ITGA4: variants seen among roughly 807,000 people sequenced by gnomAD.
ITGA4 encodes integrin subunit alpha 4, also known as integrin alpha-4.
ITGA4 carries 63 observed loss-of-function variants against 133.6 expected under a neutral mutation model. The observed-to-expected ratio is 0.47, with a 90% CI of 0.38 to 0.58. The LOEUF (loss-of-function observed/expected upper bound fraction) is 0.58. Among genes scored for constraint, ITGA4 ranks in the 20% least tolerant of loss-of-function variants. ITGA4 has a pLI of 0.00. For synonymous variants in ITGA4, 483 were observed against 438.0 expected, an observed-to-expected ratio of 1.10 and a Z score of -1.28; for missense variants, 1,076 against 1,252.7, an observed-to-expected ratio of 0.86 and a Z score of 2.13.
intron 22 of ITGA4, 24 bp downstream of exon 22, chr2:181,527,411 T>A: frequency 6.8e-7 from 1 of 1,479,846 alleles, no homozygotes; most frequent in Non-Finnish European, 9.4e-7. Flanking sequence ...ATTGTGTTAA[T>A]ATTTGTAACA....
chr2:181,526,845 T>TTTTTTTTTTTTTG, intron 21 of ITGA4, among the ~76,000 whole-genome samples: 1 of 107,694 alleles, frequency 9.3e-6, no homozygotes, highest in Non-Finnish European at 1.9e-5. Flanking sequence ...TTTTTTTTTT[T>TTTTTTTTTTTTTG]TTTTTTTTAA....
intron 10 of ITGA4, among the ~76,000 whole-genome samples, chr2:181,491,197 TA>T (rs1686044533): frequency 2.6e-5 from 4 of 152,242 alleles, no homozygotes; most frequent in Non-Finnish European, 1.5e-5. Context: ...GTATTTTTCC[TA>T]AATATTTGCC....
intron 4 of ITGA4, among the ~76,000 whole-genome samples, chr2:181,476,558 TAGAA>T (rs1475295106): frequency 6.6e-6 from 1 of 152,206 alleles, no homozygotes; most frequent in Non-Finnish European, 1.5e-5. Flanking sequence ...TTTGCCCCCT[TAGAA>T]AGTTCCAAAA....
At position 181,523,191 on chromosome 2, in the gene ITGA4, CATAT is replaced by C. The variant is rs770966025; in HGVS notation, c.2074-240_2074-237del. On this transcript the variant is annotated intron_variant, in intron 18 of 27. Coordinates refer to ENST00000397033, the MANE Select transcript of ITGA4 (RefSeq NM_000885.6). The surrounding 1 kb of genome is among the most constrained non-coding windows in gnomAD (Gnocchi z 4.2). ...ATATACACACACACATACACATACA[CATAT>C]ATATACACACACATATATACACACA... 115 of 297,114 alleles carry C rather than the reference CATAT, an allele frequency of 3.9e-4. No homozygotes were observed. Among genetic ancestry groups the C allele is most frequent in the Non-Finnish European group, 5.4e-4 (83 of 153,164 alleles). The allele number at this position is 297,114 out of a possible 1,614,324, so 18.4% of individuals were successfully genotyped here.
Position 181,523,767 on chromosome 2 carries a change from A to T in ITGA4, c.2169+235A>T, listed in dbSNP as rs1325870235. Among the ~76,000 whole-genome samples, 2 of 152,108 alleles carry T rather than the reference A, an allele frequency of 1.3e-5. No homozygotes were observed. Among genetic ancestry groups the T allele is most frequent in the African/African-American group, 4.8e-5 (2 of 41,424 alleles). Reference sequence around the variant, plus strand: ...ATCGAAATGGGCATGTGCATGTGTCAATCAGAATTCTGCTCCCCCTACACA... The same window carrying T: ...ATCGAAATGGGCATGTGCATGTGTCTATCAGAATTCTGCTCCCCCTACACA... On this transcript the variant is annotated intron_variant, in intron 19 of 27. Transcript: ENST00000397033. The surrounding 1 kb of genome is among the most constrained non-coding windows in gnomAD (Gnocchi z 4.2).
intron 15 of ITGA4, among the ~76,000 whole-genome samples, chr2:181,505,808 G>T (rs1456541644): frequency 1.3e-5 from 2 of 152,126 alleles, no homozygotes; most frequent in African/African-American, 4.8e-5. Context: ...TAGATAGCAT[G>T]TGATTTGGTC....
chr2:181,524,310 A>G (rs1686789339), intron 20 of ITGA4, 60 bp downstream of exon 20: 8 of 921,176 alleles, frequency 8.7e-6, no homozygotes, highest in African/African-American at 1.8e-5. Context: ...GAGGGGGGGG[A>G]ATTAGGAGAA....
At chr2:181,522,133 AAG>A in intron 17 of ITGA4, 56 bp from the exon 18 acceptor site, 25 of 1,079,358 alleles carry the variant, frequency 2.3e-5, no homozygotes, top group Non-Finnish European at 3.3e-5. Context: ...GTATGCATAT[AAG>A]AGAGAGGGAT....
At position 181,523,080 on chromosome 2, in the gene ITGA4, A is replaced by C. The variant is rs1216191793; in HGVS notation, c.2074-357A>C. The stretch of plus-strand genomic sequence containing the variant: ...ATTCAGACCCTGGATTAAATAGGGA[A>C]TATATCAAGATAAATGAAAGCTACA... On this transcript the variant is annotated intron_variant, in intron 18 of 27. Coordinates refer to ENST00000397033, the MANE Select transcript of ITGA4 (RefSeq NM_000885.6). This position sits in a 1 kb window ranked among gnomAD's most constrained non-coding sequence, Gnocchi z 4.2. 6.6e-6 allele frequency among the ~76,000 whole-genome samples: 1 copy of C among 152,136 alleles called. No individual in the cohort carries two copies. Among genetic ancestry groups the C allele is most frequent in the African/African-American group, 2.4e-5 (1 of 41,434 alleles).
chr2:181,511,870 C>T (rs956995967), intron 17 of ITGA4, 95 bp downstream of exon 17: 1 of 647,214 alleles, frequency 1.5e-6, no homozygotes, highest in Non-Finnish European at 2.8e-6. Context: ...CAAGAGCTAA[C>T]CCTTGAAAAT....
chr2:181,521,194 T>A (rs1221102335), intron 17 of ITGA4, among the ~76,000 whole-genome samples: 3 of 152,154 alleles, frequency 2.0e-5, no homozygotes, highest in Non-Finnish European at 2.9e-5. Context: ...ACTAGATATC[T>A]AAGAACTTCT....
In ITGA4 at chr2:181,464,773, G is replaced by C. The variant is rs115966084; in HGVS notation, c.319+6456G>C. 2.8e-3 allele frequency among the ~76,000 whole-genome samples: 426 copies of C among 152,134 alleles called. 2 individuals are homozygous for C. The highest frequency in any genetic ancestry group is 9.8e-3 in the African/African-American group (408 of 41,516). On this transcript the variant is annotated intron_variant, in intron 2 of 27. Transcript: ENST00000397033. ...AGACTCATATCAGGTAGTTCAGACAGTAACACCTGCTCCTGAAATAGGGAG... is the reference window on the plus strand; with the variant it reads ...AGACTCATATCAGGTAGTTCAGACACTAACACCTGCTCCTGAAATAGGGAG...
intron 26 of ITGA4, among the ~76,000 whole-genome samples, chr2:181,534,584 T>C (rs1460107283): frequency 1.3e-5 from 2 of 150,550 alleles, no homozygotes; most frequent in Admixed American, 6.7e-5. Flanking sequence ...TGGGCAGCAG[T>C]GAGAATTGAA....
chr2:181,525,221 G>A lies in ITGA4; in HGVS notation c.2269G>A (p.Asp757Asn), dbSNP rs757974595. 2 of 1,603,918 alleles carry A rather than the reference G, an allele frequency of 1.2e-6. No homozygotes were observed. The highest frequency in any genetic ancestry group is 1.1e-5 in the South Asian group (1 of 90,828). The change falls in exon 21 of 28, where the codon GAC becomes AAC. Residue 757 changes from aspartate (D) to asparagine (N), a missense_variant. Physicochemically the swap from Asp to Asn is conservative, Grantham distance 23. This residue lies in a region of ITGA4 where 365 missense variants were observed against 421.4 expected (regional missense o/e 0.87). Transcript: ENST00000397033. ...GTATAGTGAAAATGAAGAGGAAATG[G>A]ACAATCTAAAGCACAGCAGAGTGAC... The part of the protein sequence containing the change: ...HATCENEEEM[D>N]NLKHSRVTVA...
chr2:181,473,541 TC>T (rs1423010213), intron 2 of ITGA4, among the ~76,000 whole-genome samples: 1 of 152,208 alleles, frequency 6.6e-6, no homozygotes, highest in Non-Finnish European at 1.5e-5. Flanking sequence ...TTTCTTCACT[TC>T]AGTTGTGATT....
intron 25 of ITGA4, among the ~76,000 whole-genome samples, chr2:181,533,876 T>C (rs1468295842): frequency 6.6e-6 from 1 of 152,202 alleles, no homozygotes; most frequent in Non-Finnish European, 1.5e-5. Context: ...CTTTAGATAG[T>C]AAAGTTCTGA....
rs184143257 is a variant in ITGA4 at position 181,537,516 on chromosome 2, A to G, written c.*1989A>G. ...TTTTTGGCAGGTAGGCTATATAACTATGTGATTTTGAAATTTAACTGCTCT... is the reference window on the plus strand; with the variant it reads ...TTTTTGGCAGGTAGGCTATATAACTGTGTGATTTTGAAATTTAACTGCTCT... On this transcript the variant is annotated 3_prime_UTR_variant, in exon 28 of 28. Transcript: ENST00000397033. The G allele has an allele frequency of 3.1e-5, 14 of 449,618 alleles. No individual in the cohort carries two copies. Among genetic ancestry groups the G allele is most frequent in the Admixed American group, 2.8e-4 (12 of 42,146 alleles). 27.9% of individuals were successfully genotyped at this position (449,618 alleles called of 1,614,324 possible).
rs1249296541 is a variant in ITGA4, at chr2:181,535,911, C to T, written c.*384C>T. 6.5e-6 allele frequency: 1 copy of T among 153,652 alleles called. No individual in the cohort carries two copies. Among genetic ancestry groups the T allele is most frequent in the African/African-American group, 2.4e-5 (1 of 41,470 alleles). 9.5% of individuals were successfully genotyped at this position (153,652 alleles called of 1,614,324 possible). A position where few individuals can be genotyped will look rare whatever the true frequency, so the allele number is the denominator to read the frequency against. ...GTGCTTGCCTCAGTAAAATGAACCC[C>T]ACTGGGTGGGCAGAGGTTCATTTCA... On this transcript the variant is annotated 3_prime_UTR_variant, in exon 28 of 28. Coordinates refer to ENST00000397033, the MANE Select transcript of ITGA4 (RefSeq NM_000885.6).
Position 181,523,069 on chromosome 2 carries a change from T to A in ITGA4, c.2074-368T>A, listed in dbSNP as rs1437231155. Among the ~76,000 whole-genome samples the A allele has an allele frequency of 6.6e-6, 1 of 152,050 alleles. No individual in the cohort carries two copies. The highest frequency in any genetic ancestry group is 6.6e-5 in the Admixed American group (1 of 15,246). Reference sequence around the variant, plus strand: ...TTTTTCAAGGAATTCAGACCCTGGATTAAATAGGGAATATATCAAGATAAA... The same window carrying A: ...TTTTTCAAGGAATTCAGACCCTGGAATAAATAGGGAATATATCAAGATAAA... On this transcript the variant is annotated intron_variant, in intron 18 of 27. Coordinates refer to ENST00000397033, the MANE Select transcript of ITGA4 (RefSeq NM_000885.6). The surrounding 1 kb of genome is among the most constrained non-coding windows in gnomAD (Gnocchi z 4.2).
Sources: allele counts gnomAD v4.1 joint callset (sites outside exome capture counted in the v4.1 genomes callset), GRCh38; gene constraint gnomAD v4.1.1; regional missense constraint gnomAD v4.1.1; non-coding constraint Gnocchi (gnomAD v3.1); transcripts MANE v1.5; gene names NCBI Gene and HGNC (gene_info 2026-07-23, HGNC 2026-07-21).